The following ADARB2 variants were observed in gnomAD, a reference collection of about 807,000 sequenced individuals.
The protein encoded by ADARB2 is inactive double-stranded RNA-specific editase B2.
A neutral mutation model predicts 62.2 loss-of-function variants in ADARB2; 25 were observed. The ratio of observed to expected loss-of-function variants is 0.40; its 90% CI spans 0.29 to 0.56. The LOEUF (loss-of-function observed/expected upper bound fraction) is 0.56, where lower values mean the gene tolerates loss of function less well. ADARB2 is among the 20% of genes least tolerant of loss of function. The pLI is 0.43. For synonymous variants in ADARB2, 572 were observed against 500.8 expected (o/e 1.14, Z -1.90); for missense variants, 1,071 against 1,077.4 (o/e 0.99, Z 0.08).
At chr10:1,342,978 T>TA in intron 3 of ADARB2, among the ~76,000 whole-genome samples, 1 of 152,174 alleles carries the variant, frequency 6.6e-6, no homozygotes, top group East Asian at 1.9e-4. Flanking sequence ...ACTTGTATGA[T>TA]AAAAAATGCT....
chr10:1,710,523 A>G (rs1220820737), intron 1 of ADARB2, among the ~76,000 whole-genome samples: 1 of 152,228 alleles, frequency 6.6e-6, no homozygotes, highest in African/African-American at 2.4e-5. Context: ...TCCAGCCTGC[A>G]CTTGGGTGCT....
At chr10:1,600,409 C>T (rs1285791654) in intron 1 of ADARB2, among the ~76,000 whole-genome samples, 1 of 151,978 alleles carries the variant, frequency 6.6e-6, no homozygotes, top group Non-Finnish European at 1.5e-5. Context: ...GCCTATAATC[C>T]CAACACTTTG....
intron 1 of ADARB2, among the ~76,000 whole-genome samples, chr10:1,578,076 G>A (rs1833045703): frequency 6.6e-6 from 1 of 152,186 alleles, no homozygotes; most frequent in South Asian, 2.1e-4. Flanking sequence ...CCCATCTGCG[G>A]GGCTTCTTTC....
intron 3 of ADARB2, among the ~76,000 whole-genome samples, chr10:1,339,006 C>T (rs1053909988): frequency 4.6e-5 from 7 of 152,230 alleles, no homozygotes; most frequent in African/African-American, 7.2e-5. Context: ...TTCAAAGCAT[C>T]GCTTCTCTTG....
At chr10:1,650,667 C>A (rs1457561005) in intron 1 of ADARB2, among the ~76,000 whole-genome samples, 1 of 152,214 alleles carries the variant, frequency 6.6e-6, no homozygotes, top group African/African-American at 2.4e-5. Flanking sequence ...CATGACTCCA[C>A]CGACCGTCCA....
chr10:1,572,061 G>T (rs1274919238), intron 1 of ADARB2, among the ~76,000 whole-genome samples: 1 of 140,710 alleles, frequency 7.1e-6, no homozygotes, highest in African/African-American at 2.7e-5. Flanking sequence ...ACAGGGGAGT[G>T]TGCAGGTGAG....
chr10:1,528,537 A>G (rs1832178807), intron 1 of ADARB2, among the ~76,000 whole-genome samples: 1 of 152,242 alleles, frequency 6.6e-6, no homozygotes, highest in Non-Finnish European at 1.5e-5. Context: ...AAACCGTGGT[A>G]TAGAATTTCA....
chr10:1,226,477 G>C (rs529149199), intron 6 of ADARB2, among the ~76,000 whole-genome samples: 1 of 152,208 alleles, frequency 6.6e-6, no homozygotes, highest in African/African-American at 2.4e-5. Flanking sequence ...TGGAGGAGGA[G>C]AGGTGCTCTG....
chr10:1,577,856 G>C (rs951020015), intron 1 of ADARB2, among the ~76,000 whole-genome samples: 10 of 152,208 alleles, frequency 6.6e-5, no homozygotes, highest in Non-Finnish European at 1.2e-4. Context: ...ATTAGGATGG[G>C]CACAAATCCG....
At chr10:1,414,669 G>T (rs542695738) in intron 1 of ADARB2, among the ~76,000 whole-genome samples, 12 of 152,194 alleles carry the variant, frequency 7.9e-5, no homozygotes, top group Non-Finnish European at 1.8e-4. Context: ...TGTGCTCCCA[G>T]AGCTTGGGGC....
Position 1,217,120 on chromosome 10 carries a change from C to CT in ADARB2, c.1514-2dup. The CT allele has an allele frequency of 6.3e-7, 1 of 1,586,436 alleles. No individual in the cohort carries two copies. Among genetic ancestry groups the CT allele is most frequent in the Non-Finnish European group, 8.6e-7 (1 of 1,166,154 alleles). On this transcript the variant is annotated splice_acceptor_variant, in intron 6 of 9. Coordinates refer to ENST00000381312, the MANE Select transcript of ADARB2 (RefSeq NM_018702.4). LOFTEE classifies it high-confidence loss of function. ...CTGACGAGGTGTTTGCTGCTGTGCACTAGGAGATAAAAGGGCGGGGAGGGG... is the reference window on the plus strand; with the variant it reads ...CTGACGAGGTGTTTGCTGCTGTGCACTTAGGAGATAAAAGGGCGGGGAGGGG...
intron 3 of ADARB2, 122 bp from the exon 4 acceptor site, chr10:1,271,191 C>T (rs771358578): frequency 4.2e-6 from 3 of 719,996 alleles, no homozygotes; most frequent in Non-Finnish European, 7.0e-6. Context: ...GCCTGCTCTC[C>T]TCCCCTCCTC....
intron 1 of ADARB2, among the ~76,000 whole-genome samples, chr10:1,445,337 G>A (rs1027061266): frequency 1.4e-5 from 2 of 146,670 alleles, no homozygotes; most frequent in Admixed American, 6.8e-5. Flanking sequence ...CTGTCCATTC[G>A]TTATTCATCC....
intron 1 of ADARB2, among the ~76,000 whole-genome samples, chr10:1,671,936 T>C (rs906474522): frequency 5.3e-5 from 8 of 152,122 alleles, no homozygotes; most frequent in African/African-American, 1.9e-4. Flanking sequence ...TCACTGGCTG[T>C]CTTTCGGCAA....
intron 1 of ADARB2, among the ~76,000 whole-genome samples, chr10:1,662,679 C>T (rs1220806599): frequency 6.6e-6 from 1 of 152,226 alleles, no homozygotes; most frequent in African/African-American, 2.4e-5. Flanking sequence ...CCTCGAAACC[C>T]ATGGCTTCCA....
At chr10:1,296,804 T>G (rs1297599599) in intron 3 of ADARB2, among the ~76,000 whole-genome samples, 1 of 152,216 alleles carries the variant, frequency 6.6e-6, no homozygotes, top group African/African-American at 2.4e-5. Context: ...CACCCTCATT[T>G]CTACTGCAAA....
intron 3 of ADARB2, among the ~76,000 whole-genome samples, chr10:1,288,597 G>A (rs1249465793): frequency 1.3e-5 from 2 of 152,208 alleles, no homozygotes; most frequent in East Asian, 3.9e-4. Flanking sequence ...AGACGCTGAG[G>A]AGAGAGAAGA....
At chr10:1,391,179 G>A (rs1832566312) in intron 1 of ADARB2, among the ~76,000 whole-genome samples, 1 of 152,144 alleles carries the variant, frequency 6.6e-6, no homozygotes, top group Non-Finnish European at 1.5e-5. Flanking sequence ...ATGCATTGTG[G>A]GTTGCAATAA....
At chr10:1,510,075 T>C (rs7919184) in intron 1 of ADARB2, among the ~76,000 whole-genome samples, 1 of 149,600 alleles carries the variant, frequency 6.7e-6, no homozygotes, top group Non-Finnish European at 1.5e-5. Flanking sequence ...CTTTCTTTCT[T>C]TCTCTTTCTC....
Sources: allele counts gnomAD v4.1 joint callset (sites outside exome capture counted in the v4.1 genomes callset), GRCh38; gene constraint gnomAD v4.1.1; transcripts MANE v1.5; gene names NCBI Gene and HGNC (gene_info 2026-07-23, HGNC 2026-07-21).